BRD2: variants seen among roughly 807,000 people sequenced by gnomAD.
The protein encoded by BRD2 is bromodomain-containing protein 2.
BRD2 carries 15 observed loss-of-function variants against 79.1 expected under a neutral mutation model. The observed-to-expected ratio is 0.19, with a 90% CI of 0.13 to 0.29. The LOEUF is 0.29. Ranked by LOEUF, BRD2 falls within the 10% of genes least tolerant of loss-of-function variation. The pLI, the probability that BRD2 is intolerant of heterozygous loss-of-function variation, is 1.00. For synonymous variants in BRD2, 488 were observed against 358.6 expected (o/e 1.36, Z -4.08); for missense variants, 1,053 against 991.3 (o/e 1.06, Z -0.84).
In BRD2 at chr6:32,980,139, A is replaced by G. The variant is rs1342465912; in HGVS notation, c.2146+7A>G. On this transcript the variant is annotated splice_region_variant and intron_variant, in intron 11 of 12. Coordinates refer to ENST00000374825, the MANE Select transcript of BRD2 (RefSeq NM_005104.4). The stretch of plus-strand genomic sequence containing the variant: ...AAACCCCGGAAGCCCTACAGTACGT[A>G]TGAAATGAGGTTCATCTCATGGTTC... The G allele has an allele frequency of 4.4e-6, 7 of 1,608,550 alleles. No homozygotes were observed. The highest frequency in any genetic ancestry group is 2.2e-5 in the South Asian group (2 of 90,838).
chr6:32,972,163 C>T lies in BRD2; in HGVS notation c.-736C>T. On this transcript the variant is annotated 5_prime_UTR_variant, in exon 2 of 13. Transcript: ENST00000374825. ...TGAGCGGCGAAGCTCCTCCTCCCCG[C>T]CTATATATAAAGGGCTGGCGCGGGG... The T allele has an allele frequency of 1.6e-6, 1 of 628,470 alleles. No homozygotes were observed. Among genetic ancestry groups the T allele is most frequent in the Non-Finnish European group, 2.9e-6 (1 of 345,746 alleles). 38.9% of individuals were successfully genotyped at this position (628,470 alleles called of 1,614,324 possible).
Position 32,978,189 on chromosome 6 carries a change from A to C in BRD2, c.1642A>C (p.Lys548Gln), listed in dbSNP as rs1227448507. The change falls in exon 10 of 13, where the codon AAA becomes CAA. Residue 548 changes from lysine to glutamine, a missense_variant. Lys to Gln is a moderately conservative substitution (Grantham distance 53). Around this residue, in one of 5 missense-constraint regions of BRD2, gnomAD observed 454 missense variants for 430.5 expected, o/e 1.05. Coordinates refer to ENST00000374825, the MANE Select transcript of BRD2 (RefSeq NM_005104.4). The stretch of plus-strand genomic sequence containing the variant: ...GGGTCCAATATCCAAGCCCAAGAGG[A>C]AAAGAGAGAAAAAAGAGAAAAAGAA... ...SQGPISKPKR[K>Q]REKKEKKKKR... 2 of 1,612,850 alleles carry C rather than the reference A, an allele frequency of 1.2e-6. No individual in the cohort carries two copies. The highest frequency in any genetic ancestry group is 1.7e-6 in the Non-Finnish European group (2 of 1,179,994).
intron 2 of BRD2, among the ~76,000 whole-genome samples, chr6:32,973,625 G>C (rs151103529): frequency 1.3e-5 from 2 of 152,182 alleles, no homozygotes; most frequent in African/African-American, 4.8e-5. Context: ...AGGAGCACCA[G>C]AGGGACTGTA....
chr6:32,970,270 C>G (rs1777825240), intron 1 of BRD2: 1 of 152,294 alleles, frequency 6.6e-6, no homozygotes, highest in Non-Finnish European at 1.5e-5. Context: ...TGCAGCCACC[C>G]AAACGGGGCC....
At chr6:32,977,266 A>G (rs766393479) in intron 7 of BRD2, 176 bp from the exon 8 acceptor site, 24 of 1,554,316 alleles carry the variant, frequency 1.5e-5, no homozygotes, top group Non-Finnish European at 2.0e-5. Context: ...CTAGACATAA[A>G]TATTTCTTCA....
chr6:32,977,567 A>G lies in BRD2; in HGVS notation c.1326A>G (p.Leu442=), dbSNP rs1351712629. 3.1e-6 allele frequency: 5 copies of G among 1,613,878 alleles called. No individual in the cohort carries two copies. The highest frequency in any genetic ancestry group is 2.7e-5 in the African/African-American group (2 of 74,944). ...ATGTTGTGGCAATGGCACGAAAGCT[A>G]CAGGTGAGTGGAAAGGTTGGAGTTT... ...DHDVVAMARK[L]QDVFEFRYAK... Residue 442 remains leucine, a synonymous_variant, in exon 8 of 13, where the codon CTA becomes CTG. Coordinates refer to ENST00000374825, the MANE Select transcript of BRD2 (RefSeq NM_005104.4).
Position 32,980,378 on chromosome 6 carries a change from T to A in BRD2, c.2183T>A (p.Leu728Gln). Residue 728 changes from leucine (L) to glutamine (Q), a missense_variant, in exon 12 of 13, where the codon CTG (leucine) becomes CAG (glutamine). Physicochemically the swap from Leu to Gln is moderately radical, Grantham distance 113. Coordinates refer to ENST00000374825, the MANE Select transcript of BRD2 (RefSeq NM_005104.4). ...CCTGTGGGAAAGACAAAGGAGGAAC[T>A]GGCTTTGGAGAAAAAGCGGGAATTA... ...KKPVGKTKEELALEKKRELEK... is the reference protein window; with the variant it reads ...KKPVGKTKEEQALEKKRELEK... The A allele has an allele frequency of 6.2e-7, 1 of 1,613,072 alleles. No individual in the cohort carries two copies. Among genetic ancestry groups the A allele is most frequent in the Non-Finnish European group, 8.5e-7 (1 of 1,180,034 alleles).
intron 4 of BRD2, among the ~76,000 whole-genome samples, 196 bp downstream of exon 4, chr6:32,975,717 G>T (rs1778651794): frequency 6.6e-6 from 1 of 152,188 alleles, no homozygotes; most frequent in Non-Finnish European, 1.5e-5. Context: ...TCTAGTTGAA[G>T]GTTATTTAGA....
Position 32,977,442 on chromosome 6 carries a change from C to G in BRD2, c.1201C>G (p.Arg401Gly). 2 of 1,613,832 alleles carry G rather than the reference C, an allele frequency of 1.2e-6. No individual in the cohort carries two copies. The highest frequency in any genetic ancestry group is 1.7e-6 in the Non-Finnish European group (2 of 1,180,022). The change falls in exon 8 of 13, where the codon CGG becomes GGG. Residue 401 changes from arginine to glycine, a missense_variant and splice_region_variant. Physicochemically the swap from Arg to Gly is moderately radical, Grantham distance 125 (BLOSUM62 -2). Transcript: ENST00000374825. ...KHPMDLSTVK[R>G]KMENRDYRDA... is the part of the protein sequence containing the mutation. Reference sequence around the variant, plus strand: ...CTTCTGATGCTGCCTCCTTCTGCAGCGGAAGATGGAGAACCGTGATTACCG... The same window carrying G: ...CTTCTGATGCTGCCTCCTTCTGCAGGGGAAGATGGAGAACCGTGATTACCG...
At chr6:32,979,513 G>T in intron 10 of BRD2, 1 of 355,836 alleles carries the variant, frequency 2.8e-6, no homozygotes, top group Non-Finnish European at 5.1e-6. Context: ...TTGAAGATTT[G>T]TGACAACCCT....
intron 1 of BRD2, 175 bp downstream of exon 1, chr6:32,969,231 T>A: frequency 3.4e-6 from 1 of 295,410 alleles, no homozygotes; most frequent in Non-Finnish European, 6.7e-6. Context: ...GAGAGGGCCA[T>A]GGGGGGGGAG....
chr6:32,979,770 G>C (rs1779288143), intron 10 of BRD2, 58 bp from the exon 11 acceptor site: 4 of 1,548,202 alleles, frequency 2.6e-6, no homozygotes, highest in Non-Finnish European at 3.5e-6. Flanking sequence ...ATAACAGTGG[G>C]AACATACTGG....
intron 2 of BRD2, among the ~76,000 whole-genome samples, chr6:32,974,121 C>G (rs1778397714): frequency 1.3e-5 from 2 of 152,154 alleles, no homozygotes; most frequent in Non-Finnish European, 2.9e-5. Flanking sequence ...TAACTCCACC[C>G]ATTTTGCTTA....
chr6:32,978,437 T>G (rs772049594), intron 10 of BRD2, 49 bp downstream of exon 10: 9 of 1,581,514 alleles, frequency 5.7e-6, no homozygotes, highest in African/African-American at 2.7e-5. Context: ...TCTGTCTCTC[T>G]GGGGGATGCC....
rs1460767870 is a variant in BRD2 at position 32,978,277 on chromosome 6, G to T, written c.1730G>T (p.Arg577Met). Residue 577 changes from arginine (R) to methionine (M), a missense_variant, in exon 10 of 13, where the codon AGG (arginine) becomes ATG (methionine). Physicochemically the swap from Arg to Met is moderately conservative, Grantham distance 91. Coordinates refer to ENST00000374825, the MANE Select transcript of BRD2 (RefSeq NM_005104.4). Reference sequence around the variant, plus strand: ...GCCGATGAAGATGACAAGGGGCCTAGGGCACCCCGCCCACCTCAACCTAAG... The same window carrying T: ...GCCGATGAAGATGACAAGGGGCCTATGGCACCCCGCCCACCTCAACCTAAG... The part of the protein sequence containing the change: ...AGADEDDKGP[R>M]APRPPQPKKS... The T allele has an allele frequency of 6.2e-7, 1 of 1,612,940 alleles. No homozygotes were observed. Among genetic ancestry groups the T allele is most frequent in the African/African-American group, 1.3e-5 (1 of 74,910 alleles).
At position 32,972,910 on chromosome 6, in the gene BRD2, C is replaced by T. The variant is rs147219068; in HGVS notation, c.12C>T (p.Asn4=). 2.4e-4 allele frequency: 391 copies of T among 1,614,060 alleles called. 3 individuals are homozygous for T. Among genetic ancestry groups the T allele is most frequent in the South Asian group, 1.0e-3 (95 of 91,086 alleles). The part of the protein sequence containing the change: MLQ[N]VTPHNKLPGE... ...TCCTTGCGGTCAAGATGCTGCAAAA[C>T]GTGACTCCCCACAATAAGTACGTTT... is the stretch of plus-strand genomic sequence containing the variant. Residue 4 remains asparagine, a synonymous_variant, in exon 2 of 13, where the codon AAC becomes AAT. Coordinates refer to ENST00000374825, the MANE Select transcript of BRD2 (RefSeq NM_005104.4).
At chr6:32,975,360 C>T (rs139309016) in intron 3 of BRD2, 24 bp from the exon 4 acceptor site, 5 of 1,582,812 alleles carry the variant, frequency 3.2e-6, no homozygotes, top group Non-Finnish European at 3.5e-6. Context: ...TTCTGTGGTT[C>T]TGACCTAACA....
At chr6:32,973,573 A>G (rs997104554) in intron 2 of BRD2, among the ~76,000 whole-genome samples, 21 of 152,118 alleles carry the variant, frequency 1.4e-4, no homozygotes, top group African/African-American at 4.6e-4. Context: ...TGAGATTCCC[A>G]TATGATGTTT....
At chr6:32,974,343 A>G (rs996113278) in intron 2 of BRD2, 119 bp from the exon 3 acceptor site, 1 of 991,982 alleles carries the variant, frequency 1.0e-6, no homozygotes, top group Non-Finnish European at 1.5e-6. Context: ...CTTAAGAAGC[A>G]CTTGGCATAA....
Sources: gnomAD v4.1 joint callset for allele counts (sites outside exome capture counted in the v4.1 genomes callset) on GRCh38, gnomAD v4.1.1 for gene constraint, gnomAD v4.1.1 regional missense constraint, MANE v1.5 for transcripts, NCBI Gene and HGNC (gene_info 2026-07-23, HGNC 2026-07-21) for gene names.